Variants in CCDC92 observed in about 807,000 individuals in gnomAD.
CCDC92 encodes coiled-coil domain-containing protein 92.
In CCDC92, 12 loss-of-function variants were observed where a neutral mutation model predicts 24.9. That is an observed-to-expected ratio of 0.48 (90% CI 0.31 to 0.78). CCDC92 has a LOEUF of 0.78. Among genes scored for constraint, CCDC92 ranks in the 30% least tolerant of loss-of-function variants. The pLI is 0.05. For missense variants in CCDC92, 399 were observed against 439.4 expected, an observed-to-expected ratio of 0.91 and a Z score of 0.82; for synonymous variants, 193 against 196.3, an observed-to-expected ratio of 0.98 and a Z score of 0.14.
chr12:123,937,457 G>A lies in CCDC92; in HGVS notation c.597C>T (p.Pro199=), dbSNP rs763083665. ...TTTTCATGCGGCGGCGAGGCGTTTC[G>A]GGTAGCTTGTCTTTGGGGGGCGCTG... ...YKPAPPKDKL[P]ETPRRRMKKS... is the part of the protein sequence containing the mutation. The change falls in exon 5 of 5, where the codon CCC becomes CCT. Residue 199 remains proline (P), a synonymous_variant. Transcript: ENST00000238156. This position sits in a 1 kb window ranked among gnomAD's most constrained non-coding sequence, Gnocchi z 8.4. The A allele has an allele frequency of 2.0e-5, 32 of 1,613,276 alleles. No homozygotes were observed. Among genetic ancestry groups the A allele is most frequent in the Middle Eastern group, 1.6e-4 (1 of 6,084 alleles).
At chr12:123,966,583 C>T (rs958848406) in intron 1 of CCDC92, 3 of 152,226 alleles carry the variant, frequency 2.0e-5, no homozygotes, top group Non-Finnish European at 4.4e-5. Context: ...GTTCTGCTTG[C>T]TACTAACCTG....
chr12:123,956,821 T>C lies in CCDC92; in HGVS notation c.-59-12457A>G, dbSNP rs528349655. On this transcript the variant is annotated intron_variant, in intron 1 of 4. Coordinates refer to ENST00000238156, the MANE Select transcript of CCDC92 (RefSeq NM_025140.3). ...ATAAATGAAAACAAATAATGACAAG[T>C]AAAATAAGGGGCAGGACAACTGTAT... Among the ~76,000 whole-genome samples the C allele has an allele frequency of 2.0e-5, 3 of 152,232 alleles. No homozygotes were observed. The East Asian group carries it at 5.8e-4, about 29-fold the overall frequency.
At chr12:123,946,025 C>CCCCGCCATCCCTT in intron 1 of CCDC92, 1 of 153,496 alleles carries the variant, frequency 6.5e-6, no homozygotes, top group Non-Finnish European at 1.4e-5. Context: ...TGCTGGCATC[C>CCCCGCCATCCCTT]TGCTTTGAAA....
chr12:123,954,008 G>C (rs34261269), intron 1 of CCDC92, among the ~76,000 whole-genome samples: 2 of 152,056 alleles, frequency 1.3e-5, no homozygotes, highest in Non-Finnish European at 1.5e-5. Context: ...TGGTGGACTC[G>C]GTGATTTTTA....
At chr12:123,966,672 C>T (rs1192259297) in intron 1 of CCDC92, 4 of 152,218 alleles carry the variant, frequency 2.6e-5, no homozygotes, top group African/African-American at 4.8e-5. Context: ...CAGTTTTCCT[C>T]TAAACACAGG....
chr12:123,943,750 G>T, intron 2 of CCDC92: 1 of 555,208 alleles, frequency 1.8e-6, no homozygotes, highest in Non-Finnish European at 3.2e-6. Flanking sequence ...CCTGGCACAT[G>T]AATGAGTGAG....
intron 1 of CCDC92, among the ~76,000 whole-genome samples, chr12:123,968,789 T>C (rs1201273952): frequency 6.6e-6 from 1 of 152,240 alleles, no homozygotes; most frequent in Non-Finnish European, 1.5e-5. Flanking sequence ...GTAACTATTT[T>C]AAAAGACGTT....
intron 2 of CCDC92, chr12:123,943,780 G>T (rs1161385613): frequency 1.9e-6 from 1 of 525,796 alleles, no homozygotes; most frequent in Non-Finnish European, 3.4e-6. Context: ...AGAGTACAAA[G>T]TCATTTCCCT....
At chr12:123,943,877 C>T in intron 2 of CCDC92, 1 of 431,402 alleles carries the variant, frequency 2.3e-6, no homozygotes, top group African/African-American at 2.0e-5. Flanking sequence ...GATTCTAATC[C>T]AGGGACCCTT....
rs933739040 is a variant in CCDC92 at position 123,935,769 on chromosome 12, A to T, written c.*1289T>A. On this transcript the variant is annotated 3_prime_UTR_variant, in exon 5 of 5. Transcript: ENST00000238156. The stretch of plus-strand genomic sequence containing the variant: ...TCTCAGAGAAAACACTTGATTAGGC[A>T]AAAGTGCCTGGCATACATAGCATTG... The T allele has an allele frequency of 6.4e-6, 2 of 313,924 alleles. No individual in the cohort carries two copies. Among genetic ancestry groups the T allele is most frequent in the Non-Finnish European group, 1.2e-5 (2 of 170,310 alleles). The allele number at this position is 313,924 out of a possible 1,614,324, so 19.4% of individuals were successfully genotyped here.
At chr12:123,972,173 C>A (rs922965728) in intron 1 of CCDC92, 1 of 152,102 alleles carries the variant, frequency 6.6e-6, no homozygotes, top group African/African-American at 2.4e-5. Flanking sequence ...CCGGTCCGCA[C>A]CCTGGACTGG....
intron 2 of CCDC92, 58 bp downstream of exon 2, chr12:123,944,214 G>T: frequency 9.1e-7 from 1 of 1,102,410 alleles, no homozygotes; most frequent in Non-Finnish European, 1.4e-6. Context: ...CCCAATGCTT[G>T]GCCCCTCCCA....
intron 4 of CCDC92, 62 bp downstream of exon 4, chr12:123,942,682 G>A: frequency 3.1e-6 from 4 of 1,288,668 alleles, no homozygotes; most frequent in Non-Finnish European, 4.5e-6. Flanking sequence ...TAGTGAAAAC[G>A]GCACCAACAC....
At chr12:123,968,563 T>C (rs1267825507) in intron 1 of CCDC92, 2 of 152,234 alleles carry the variant, frequency 1.3e-5, no homozygotes, top group Non-Finnish European at 2.9e-5. Context: ...TCGTCTCTTT[T>C]CCCTTCATGC....
chr12:123,969,627 C>A (rs539339088), intron 1 of CCDC92, among the ~76,000 whole-genome samples: 19 of 151,984 alleles, frequency 1.3e-4, no homozygotes, highest in South Asian at 8.4e-4. Flanking sequence ...CCACGACCAG[C>A]TAATTTTTGT....
intron 1 of CCDC92, among the ~76,000 whole-genome samples, chr12:123,949,662 G>A (rs1955973546): frequency 6.6e-6 from 1 of 152,196 alleles, no homozygotes; most frequent in Non-Finnish European, 1.5e-5. Flanking sequence ...TTTTTCCTAT[G>A]GCAAATCCAC....
intron 3 of CCDC92, 35 bp downstream of exon 3, chr12:123,943,312 G>GC (rs777055756): frequency 1.6e-5 from 25 of 1,602,322 alleles, no homozygotes; most frequent in South Asian, 2.2e-5. Context: ...CCCCATAGCC[G>GC]CCCCCCGCCT....
intron 1 of CCDC92, among the ~76,000 whole-genome samples, chr12:123,948,706 A>G (rs2138008318): frequency 6.6e-6 from 1 of 152,366 alleles, no homozygotes; most frequent in East Asian, 1.9e-4. Context: ...TACAGCTGTT[A>G]GGATATTCCT....
chr12:123,953,954 C>A (rs1256585196), intron 1 of CCDC92, among the ~76,000 whole-genome samples: 1 of 152,184 alleles, frequency 6.6e-6, no homozygotes, highest in African/African-American at 2.4e-5. Context: ...GAAACTCCAT[C>A]TCAAATAAAC....
Sources: gnomAD v4.1 joint callset for allele counts (sites outside exome capture counted in the v4.1 genomes callset) on GRCh38, gnomAD v4.1.1 for gene constraint, Gnocchi (gnomAD v3.1) non-coding constraint, MANE v1.5 for transcripts, NCBI Gene and HGNC (gene_info 2026-07-23, HGNC 2026-07-21) for gene names.